OR3A2: variants seen among roughly 807,000 people sequenced by gnomAD.
OR3A2 encodes olfactory receptor 3A2.
For synonymous variants in OR3A2, 126 were observed against 159.3 expected (o/e 0.79, Z 1.57); for missense variants, 318 against 392.8 (o/e 0.81, Z 1.61).
At chr17:3,332,748 A>C (rs1019393186) in intron 3 of OR3A2, among the ~76,000 whole-genome samples, 7 of 152,172 alleles carry the variant, frequency 4.6e-5, no homozygotes, top group Non-Finnish European at 7.3e-5. Flanking sequence ...TCTTTACTGC[A>C]ATCTCCGAAC....
chr17:3,354,187 T>C lies in OR3A2; in HGVS notation c.-178-18061A>G, dbSNP rs536514621. Among the ~76,000 whole-genome samples the C allele has an allele frequency of 7.4e-5, 11 of 147,974 alleles. No homozygotes were observed. In the South Asian group the frequency reaches 1.7e-3, roughly 22 times the overall value. On this transcript the variant is annotated intron_variant, in intron 2 of 4. Transcript: ENST00000573491. ...GTGTCTGTTTTTGGTATCAGAGTAATACTGGCCTCAAAGAATGTTTGTAAC... is the reference window on the plus strand; with the variant it reads ...GTGTCTGTTTTTGGTATCAGAGTAACACTGGCCTCAAAGAATGTTTGTAAC...
chr17:3,283,915 G>A (rs1056447807), intron 1 of OR3A2, among the ~76,000 whole-genome samples: 7 of 142,790 alleles, frequency 4.9e-5, no homozygotes, highest in Non-Finnish European at 7.5e-5. Context: ...AGGTCACCGA[G>A]ACATCCAGAG....
At chr17:3,343,908 A>G (rs2049341754) in intron 2 of OR3A2, among the ~76,000 whole-genome samples, 1 of 152,104 alleles carries the variant, frequency 6.6e-6, no homozygotes, top group South Asian at 2.1e-4. Context: ...GCCAACCAAC[A>G]CTTGAAATGC....
chr17:3,318,250 T>C (rs2049092907), intron 3 of OR3A2, among the ~76,000 whole-genome samples: 1 of 152,152 alleles, frequency 6.6e-6, no homozygotes, highest in Non-Finnish European at 1.5e-5. Context: ...CTGTCTTCTG[T>C]GTCTCTGCTA....
At chr17:3,343,530 A>C (rs1432591967) in intron 2 of OR3A2, among the ~76,000 whole-genome samples, 4 of 152,206 alleles carry the variant, frequency 2.6e-5, no homozygotes, top group Non-Finnish European at 5.9e-5. Flanking sequence ...GCTTTCACTT[A>C]CTGCCATGCA....
intron 3 of OR3A2, among the ~76,000 whole-genome samples, chr17:3,323,414 C>T (rs536671520): frequency 3.9e-5 from 6 of 151,980 alleles, no homozygotes; most frequent in Non-Finnish European, 7.4e-5. Context: ...TGTCAGCTGG[C>T]TATTTTGCCC....
At chr17:3,312,918 CT>C (rs1397540730) in intron 3 of OR3A2, among the ~76,000 whole-genome samples, 1 of 152,168 alleles carries the variant, frequency 6.6e-6, no homozygotes, top group East Asian at 1.9e-4. Context: ...GTCACTGCAC[CT>C]GGCCATAAGT....
intron 1 of OR3A2, among the ~76,000 whole-genome samples, chr17:3,279,520 G>T (rs543601867): frequency 6.6e-6 from 1 of 152,196 alleles, no homozygotes; most frequent in Non-Finnish European, 1.5e-5. Context: ...CAGGCTGGGC[G>T]TGGTGGCTCA....
chr17:3,325,487 G>C (rs891635398), intron 3 of OR3A2, among the ~76,000 whole-genome samples: 16 of 151,978 alleles, frequency 1.1e-4, no homozygotes, highest in Non-Finnish European at 2.2e-4. Flanking sequence ...TGGGATTACA[G>C]GAGTGAGCCA....
intron 3 of OR3A2, chr17:3,291,900 A>T (rs767094551): frequency 1.1e-5 from 17 of 1,614,092 alleles, no homozygotes; most frequent in Admixed American, 1.0e-4. Context: ...AATTCGCAGG[A>T]CTGCAGCTGC....
At chr17:3,380,458 G>A (rs1460131252) in intron 2 of OR3A2, among the ~76,000 whole-genome samples, 4 of 152,130 alleles carry the variant, frequency 2.6e-5, no homozygotes, top group Non-Finnish European at 4.4e-5. Flanking sequence ...ATGATATCTA[G>A]GAATCATTGC....
chr17:3,373,931 G>T (rs974397970), intron 2 of OR3A2, among the ~76,000 whole-genome samples: 2 of 152,076 alleles, frequency 1.3e-5, no homozygotes, highest in Non-Finnish European at 2.9e-5. Context: ...CCAGTTTGTT[G>T]TATTACAAAG....
At chr17:3,303,743 C>CA (rs71153338) in intron 3 of OR3A2, among the ~76,000 whole-genome samples, 15 of 106,744 alleles carry the variant, frequency 1.4e-4, no homozygotes, top group Admixed American at 2.2e-4. Context: ...GACTTCATCT[C>CA]AAAAAAAAAA....
At chr17:3,385,500 G>A (rs976113227) in intron 1 of OR3A2, among the ~76,000 whole-genome samples, 1 of 152,160 alleles carries the variant, frequency 6.6e-6, no homozygotes, top group Non-Finnish European at 1.5e-5. Context: ...TGATAGAGGA[G>A]TTTTGAGTGC....
intron 2 of OR3A2, among the ~76,000 whole-genome samples, chr17:3,355,393 G>A (rs1008116100): frequency 6.6e-6 from 1 of 150,450 alleles, no homozygotes; most frequent in Non-Finnish European, 1.5e-5. Context: ...CTGAAAGTGG[G>A]GTATTGAAGT....
intron 1 of OR3A2, among the ~76,000 whole-genome samples, chr17:3,385,159 A>T (rs1295292463): frequency 1.3e-5 from 2 of 152,112 alleles, no homozygotes; most frequent in Admixed American, 6.5e-5. Context: ...ATGCCATTGA[A>T]CTCCAGCCTG....
Position 3,333,465 on chromosome 17 carries a change from A to T in OR3A2, c.-85+2568T>A, listed in dbSNP as rs148387971. ...GCCTCAGAAACATGTGATCTTTGTGACCTACTCCCTGTTCGTACATCCCCT... is the reference window on the plus strand; with the variant it reads ...GCCTCAGAAACATGTGATCTTTGTGTCCTACTCCCTGTTCGTACATCCCCT... On this transcript the variant is annotated intron_variant, in intron 3 of 4. Coordinates refer to the OR3A2 transcript ENST00000573491. 7.8e-3 allele frequency among the ~76,000 whole-genome samples: 1,190 copies of T among 152,116 alleles called. 39 individuals are homozygous for T. Among genetic ancestry groups the T allele is most frequent in the Admixed American group, 0.052 (791 of 15,288 alleles).
chr17:3,311,008 C>A lies in OR3A2; in HGVS notation c.-85+25025G>T. 1.8e-6 allele frequency: 1 copy of A among 549,928 alleles called. No homozygotes were observed. The highest frequency in any genetic ancestry group is 1.4e-5 in the South Asian group (1 of 72,646). The allele number at this position is 549,928 out of a possible 1,614,324, so 34.1% of individuals were successfully genotyped here. A position where few individuals can be genotyped will look rare whatever the true frequency, so the allele number is the denominator to read the frequency against. ...GCAGCTGCAGTCCTGCGAATCCGCT[C>A]TGCAGAGGGCAGAAAGAAAGCCTTC... is the stretch of plus-strand genomic sequence containing the variant. On this transcript the variant is annotated intron_variant, in intron 3 of 4. Coordinates refer to the OR3A2 transcript ENST00000573491. This position sits in a 1 kb window ranked among gnomAD's most constrained non-coding sequence, Gnocchi z 4.6.
At chr17:3,374,959 G>A (rs1370527997) in intron 2 of OR3A2, among the ~76,000 whole-genome samples, 2 of 151,674 alleles carry the variant, frequency 1.3e-5, no homozygotes, top group East Asian at 1.9e-4. Context: ...AACATACAAT[G>A]TTTGGTTTTC....
Sources: allele counts gnomAD v4.1 joint callset (sites outside exome capture counted in the v4.1 genomes callset), GRCh38; gene constraint gnomAD v4.1.1; non-coding constraint Gnocchi (gnomAD v3.1); transcripts MANE v1.5; gene names NCBI Gene and HGNC (gene_info 2026-07-23, HGNC 2026-07-21).